ZNF717: variants seen among roughly 807,000 people sequenced by gnomAD.
ZNF717 encodes the protein krueppel-like factor X17.
ZNF717 carries 9 observed loss-of-function variants against 13.8 expected under a neutral mutation model. That is an observed-to-expected ratio of 0.65 (90% CI 0.39 to 1.14). ZNF717 has a LOEUF of 1.14. ZNF717 is among the 50% of genes most tolerant of loss of function. The probability of loss-of-function intolerance (pLI) is 0.01; values close to 1 mark genes in which losing one functional copy is unlikely to be tolerated. For missense variants in ZNF717, 1,040 were observed against 1,080.7 expected (o/e 0.96, Z 0.53); for synonymous variants, 327 against 364.1 (o/e 0.90, Z 1.16).
chr3:75,732,435 C>T (rs78552921), downstream of ZNF717, among the ~76,000 whole-genome samples: 10 of 152,236 alleles, frequency 6.6e-5, no homozygotes, highest in East Asian at 1.9e-3. Flanking sequence ...GCTGGACCCC[C>T]TGCAAAATGT....
intron 1 of ZNF717, among the ~76,000 whole-genome samples, chr3:75,783,641 A>G (rs1035848388): frequency 5.9e-5 from 9 of 152,252 alleles, no homozygotes; most frequent in African/African-American, 2.2e-4. Context: ...CAACAATATT[A>G]CCTAAAGATA....
intron 2 of ZNF717, among the ~76,000 whole-genome samples, chr3:75,745,588 T>A (rs1941071192): frequency 6.6e-6 from 1 of 152,052 alleles, no homozygotes; most frequent in Admixed American, 6.6e-5. Context: ...TATCTAACCC[T>A]AAGTATGTAT....
downstream of ZNF717, among the ~76,000 whole-genome samples, chr3:75,728,285 A>C (rs1938332995): frequency 6.6e-6 from 1 of 152,396 alleles, no homozygotes; most frequent in Admixed American, 6.5e-5. Flanking sequence ...AAGAAAAATG[A>C]CCAAGACAAA....
At position 75,741,747 on chromosome 3, in the gene ZNF717, A is replaced by G; in HGVS notation, c.58-11T>C. 6.4e-7 allele frequency: 1 copy of G among 1,572,128 alleles called. No individual in the cohort carries two copies. The highest frequency in any genetic ancestry group is 1.2e-5 in the South Asian group (1 of 85,950). ...AAAGGACACCAACTCCTGTAATGAT[A>G]CCAGGCTGTTGTAGGTCTCCAGCAT... On this transcript the variant is annotated splice_polypyrimidine_tract_variant and intron_variant, in intron 2 of 4. Transcript: ENST00000652011.
intron 2 of ZNF717, among the ~76,000 whole-genome samples, chr3:75,742,283 C>CA (rs1940570442): frequency 6.7e-6 from 1 of 148,796 alleles, no homozygotes; most frequent in Admixed American, 6.8e-5. Context: ...ATGATCACAC[C>CA]ACTGCACTCC....
intron 6 of ZNF717, among the ~76,000 whole-genome samples, chr3:75,695,858 T>C (rs1009666895): frequency 1.3e-4 from 20 of 152,202 alleles, no homozygotes; most frequent in African/African-American, 4.8e-4. Context: ...TAACTGTAAG[T>C]GCCAACATAA....
chr3:75,716,944 CTA>C (rs1938067588), intron 4 of ZNF717, among the ~76,000 whole-genome samples: 1 of 152,340 alleles, frequency 6.6e-6, no homozygotes, highest in African/African-American at 2.4e-5. Flanking sequence ...CACCCATTCA[CTA>C]TGTTGTACAT....
At position 75,737,881 on chromosome 3, in the gene ZNF717, T is replaced by C. The variant is rs76729736; in HGVS notation, c.1742A>G (p.His581Arg). The C allele has an allele frequency of 5.8e-6, 9 of 1,547,336 alleles. No homozygotes were observed. The East Asian group carries it at 9.8e-5, about 17-fold the overall frequency. Residue 581 changes from histidine (H) to arginine (R), a missense_variant, in exon 5 of 5, where the codon CAT (histidine) becomes CGT (arginine). By Grantham distance (29) the His-to-Arg change is conservative. This residue lies in a region of ZNF717 where 873 missense variants were observed against 832.8 expected (regional missense o/e 1.05). Transcript: ENST00000652011. ...TTTTTTGCCAGCATGAGTTCTCTGA[T>C]GTATAGTTAGGAATGACTTACAGTG... ...SFHCKSFLTI[H>R]QRTHAGKKPY... is the part of the protein sequence containing the mutation.
At chr3:75,704,798 A>T (rs1937769359), downstream of ZNF717, among the ~76,000 whole-genome samples, 1 of 152,312 alleles carries the variant, frequency 6.6e-6, no homozygotes, top group East Asian at 1.9e-4. Context: ...TACTTTCCTC[A>T]ACTATCCTCT....
Position 75,737,570 on chromosome 3 carries a change from C to G in ZNF717, c.2053G>C (p.Val685Leu), listed in dbSNP as rs763506259. 6.5e-7 allele frequency: 1 copy of G among 1,544,980 alleles called. No individual in the cohort carries two copies. The highest frequency in any genetic ancestry group is 8.8e-7 in the Non-Finnish European group (1 of 1,142,520). ...ATGTATAATAAGGTATGATTTCTGA[C>G]AAAAAGTTTTTCCACATTCATTACA... The part of the protein sequence containing the change: ...MDVMNVEKLF[V>L]RNHTLLYIRE... Residue 685 changes from valine to leucine, a missense_variant, in exon 5 of 5, where the codon GTC becomes CTC. By Grantham distance (32) the Val-to-Leu change is conservative. Coordinates refer to ENST00000652011, the MANE Select transcript of ZNF717 (RefSeq NM_001290208.3).
At chr3:75,712,445 T>C (rs1474984085) in intron 5 of ZNF717, among the ~76,000 whole-genome samples, 1 of 152,236 alleles carries the variant, frequency 6.6e-6, no homozygotes, top group Non-Finnish European at 1.5e-5. Flanking sequence ...AGAAAGACTT[T>C]TCTAATTTTA....
At chr3:75,764,639 T>C (rs1240500338) in intron 2 of ZNF717, among the ~76,000 whole-genome samples, 1 of 152,156 alleles carries the variant, frequency 6.6e-6, no homozygotes, top group Non-Finnish European at 1.5e-5. Context: ...AAAGATGATA[T>C]ACAAATAGCC....
At chr3:75,754,081 G>A (rs377221768) in intron 2 of ZNF717, among the ~76,000 whole-genome samples, 20 of 152,256 alleles carry the variant, frequency 1.3e-4, no homozygotes, top group East Asian at 9.6e-4. Context: ...CGTTGCGAGT[G>A]TCTGAATGTT....
chr3:75,775,734 TC>T (rs1461016403), intron 2 of ZNF717, among the ~76,000 whole-genome samples: 1 of 151,572 alleles, frequency 6.6e-6, no homozygotes, highest in Non-Finnish European at 1.5e-5. Flanking sequence ...GCGCCTGTAA[TC>T]CCAGCTACTC....
chr3:75,719,970 A>AAATAATAATAAT (rs200443242), intron 4 of ZNF717, among the ~76,000 whole-genome samples: 37,158 of 145,880 alleles, frequency 0.25, 5,731 homozygotes, highest in Non-Finnish European at 0.35. Flanking sequence ...AAATAATAAT[A>AAATAATAATAAT]AATAATAATA....
At chr3:75,739,595 A>C (rs1940079437) in intron 4 of ZNF717, among the ~76,000 whole-genome samples, 1 of 152,232 alleles carries the variant, frequency 6.6e-6, no homozygotes, top group African/African-American at 2.4e-5. Context: ...TATTTCACAA[A>C]GAATTATTTG....
At chr3:75,712,176 G>GA (rs139274389) in intron 5 of ZNF717, among the ~76,000 whole-genome samples, 2 of 152,160 alleles carry the variant, frequency 1.3e-5, no homozygotes, top group Non-Finnish European at 2.9e-5. Flanking sequence ...TTTTAGGCAA[G>GA]AAAAAAGGGG....
chr3:75,741,580 T>C, intron 3 of ZNF717, 30 bp downstream of exon 3: 1 of 1,586,764 alleles, frequency 6.3e-7, no homozygotes, highest in Non-Finnish European at 8.6e-7. Flanking sequence ...CAAAATACAA[T>C]CCTGGGAGTT....
chr3:75,728,608 T>C (rs1283934574), downstream of ZNF717, among the ~76,000 whole-genome samples: 17 of 152,340 alleles, frequency 1.1e-4, no homozygotes, highest in East Asian at 3.3e-3. Flanking sequence ...ATGAGTCACA[T>C]GAGATCTGAT....
Sources: gnomAD v4.1 joint callset for allele counts (sites outside exome capture counted in the v4.1 genomes callset) on GRCh38, gnomAD v4.1.1 for gene constraint, gnomAD v4.1.1 regional missense constraint, MANE v1.5 for transcripts, NCBI Gene and HGNC (gene_info 2026-07-23, HGNC 2026-07-21) for gene names.